INSYN2A: variants seen among roughly 807,000 people sequenced by gnomAD.
The protein encoded by INSYN2A is inhibitory synaptic factor 2A.
INSYN2A carries 17 observed loss-of-function variants against 39.4 expected under a neutral mutation model. The ratio of observed to expected loss-of-function variants is 0.43; its 90% CI spans 0.30 to 0.65. The LOEUF (loss-of-function observed/expected upper bound fraction) is 0.65, where lower values mean the gene tolerates loss of function less well. INSYN2A is among the 30% of genes least tolerant of loss of function. The pLI is 0.14. For synonymous variants in INSYN2A, 255 were observed against 265.7 expected (o/e 0.96, Z 0.39); for missense variants, 595 against 631.2 (o/e 0.94, Z 0.61).
chr10:127,145,640 A>T (rs2051740955), intron 5 of INSYN2A, among the ~76,000 whole-genome samples: 1 of 152,148 alleles, frequency 6.6e-6, no homozygotes, highest in African/African-American at 2.4e-5. Flanking sequence ...CTCCTTTTGA[A>T]GATGGGAGTG....
chr10:127,181,044 C>A (rs1480643749), intron 2 of INSYN2A, among the ~76,000 whole-genome samples: 1 of 152,086 alleles, frequency 6.6e-6, no homozygotes, highest in Non-Finnish European at 1.5e-5. Context: ...GGCATAACCA[C>A]TAGTATCAGA....
At chr10:127,190,140 C>A (rs549927606) in intron 2 of INSYN2A, among the ~76,000 whole-genome samples, 2 of 152,330 alleles carry the variant, frequency 1.3e-5, no homozygotes, top group South Asian at 4.1e-4. Context: ...ACTAGGTCAC[C>A]AAATTCAAAG....
At chr10:127,174,078 G>C (rs932819600) in intron 4 of INSYN2A, among the ~76,000 whole-genome samples, 1 of 152,212 alleles carries the variant, frequency 6.6e-6, no homozygotes, top group Non-Finnish European at 1.5e-5. Flanking sequence ...TCAGCAAACT[G>C]TCTAACTCAG....
intron 5 of INSYN2A, among the ~76,000 whole-genome samples, chr10:127,147,429 A>C (rs1302458948): frequency 2.6e-5 from 4 of 152,130 alleles, no homozygotes; most frequent in Non-Finnish European, 5.9e-5. Flanking sequence ...CTGCTTTGCC[A>C]GGTCGGGCAC....
chr10:127,137,897 G>C lies in INSYN2A; in HGVS notation c.1380C>G (p.Pro460=), dbSNP rs1255459409. 10 of 1,613,976 alleles carry C rather than the reference G, an allele frequency of 6.2e-6. No homozygotes were observed. Among genetic ancestry groups the C allele is most frequent in the East Asian group, 2.2e-5 (1 of 44,880 alleles). The change falls in exon 6 of 6, where the codon CCC becomes CCG. Residue 460 remains proline (P), a synonymous_variant. Coordinates refer to ENST00000522781, the MANE Select transcript of INSYN2A (RefSeq NM_001039762.3). ...TAGATTCAGTTTTGGATTTTTGCTTGGGAGTTGAGGAGTAAGTCTCCTGAG... is the reference window on the plus strand; with the variant it reads ...TAGATTCAGTTTTGGATTTTTGCTTCGGAGTTGAGGAGTAAGTCTCCTGAG... The part of the protein sequence containing the change: ...PYSQETYSST[P]KQKSKTESKK...
At chr10:127,190,308 G>A (rs569896047) in intron 2 of INSYN2A, among the ~76,000 whole-genome samples, 30 of 152,282 alleles carry the variant, frequency 2.0e-4, no homozygotes, top group African/African-American at 7.0e-4. Flanking sequence ...CCTGGAAGCC[G>A]TCTTCCTCTT....
At chr10:127,147,115 A>G (rs2051943328) in intron 5 of INSYN2A, among the ~76,000 whole-genome samples, 1 of 152,234 alleles carries the variant, frequency 6.6e-6, no homozygotes, top group African/African-American at 2.4e-5. Context: ...TCATAATGTT[A>G]GATATTTTCC....
chr10:127,138,997 C>G (rs1368091409), intron 5 of INSYN2A, among the ~76,000 whole-genome samples: 3 of 152,146 alleles, frequency 2.0e-5, no homozygotes, highest in Non-Finnish European at 4.4e-5. Context: ...TTGAGGAGTT[C>G]TGCTTCCCTT....
In INSYN2A at chr10:127,137,857, A is replaced by G; in HGVS notation, c.1420T>C (p.Trp474Arg). 1 of 1,613,888 alleles carries G rather than the reference A, an allele frequency of 6.2e-7. No homozygotes were observed. The highest frequency in any genetic ancestry group is 8.5e-7 in the Non-Finnish European group (1 of 1,179,958). The change falls in exon 6 of 6, where the codon TGG becomes CGG. Residue 474 changes from tryptophan (W) to arginine (R), a missense_variant. Transcript: ENST00000522781. ...GAGTGTTAAAGGAACCAGAGTTTCC[A>G]TCTTCCGTGCTTTTTAGATTCAGTT... Reference protein sequence around the residue: ...SKTESKKHGRWKLWFL With the variant: ...SKTESKKHGRRKLWFL
At chr10:127,191,842 T>A (rs1050836484) in intron 2 of INSYN2A, among the ~76,000 whole-genome samples, 2 of 152,220 alleles carry the variant, frequency 1.3e-5, no homozygotes, top group Non-Finnish European at 2.9e-5. Context: ...TGCTTTGGGA[T>A]ATAGCTGTGA....
chr10:127,173,375 T>TA (rs1333423682), intron 4 of INSYN2A, among the ~76,000 whole-genome samples: 3 of 152,220 alleles, frequency 2.0e-5, no homozygotes, highest in African/African-American at 7.2e-5. Flanking sequence ...ACCACACTGC[T>TA]AGATGGATGG....
In INSYN2A at chr10:127,196,478, C is replaced by T. The variant is rs1170222754; in HGVS notation, c.-876G>A. Among the ~76,000 whole-genome samples the T allele has an allele frequency of 1.3e-5, 2 of 148,476 alleles. No homozygotes were observed. The highest frequency in any genetic ancestry group is 2.4e-5 in the African/African-American group (1 of 41,174). On this transcript the variant is annotated 5_prime_UTR_variant, in exon 1 of 6. Coordinates refer to ENST00000522781, the MANE Select transcript of INSYN2A (RefSeq NM_001039762.3). The stretch of plus-strand genomic sequence containing the variant: ...GGAGGGAGCAGGAGGGAAGTCCTTT[C>T]CGCTGCTCCAGGTCCCAGCTACTCC...
intron 2 of INSYN2A, among the ~76,000 whole-genome samples, chr10:127,179,106 C>T (rs918669053): frequency 6.6e-6 from 1 of 152,176 alleles, no homozygotes; most frequent in African/African-American, 2.4e-5. Flanking sequence ...TCAGCCTTTT[C>T]CCTGCTACTT....
At position 127,176,165 on chromosome 10, in the gene INSYN2A, G is replaced by T; in HGVS notation, c.231C>A (p.Pro77=). 1 of 1,614,102 alleles carries T rather than the reference G, an allele frequency of 6.2e-7. No individual in the cohort carries two copies. Among genetic ancestry groups the T allele is most frequent in the East Asian group, 2.2e-5 (1 of 44,842 alleles). The change falls in exon 4 of 6, where the codon CCC becomes CCA. Residue 77 remains proline, a synonymous_variant. Coordinates refer to ENST00000522781, the MANE Select transcript of INSYN2A (RefSeq NM_001039762.3). The surrounding 1 kb of genome is among the most constrained non-coding windows in gnomAD (Gnocchi z 4.4). The part of the protein sequence containing the change: ...GQLGEKREAK[P]VSCRAAYRKY... ...TGCGGTAGGCTGCTCTGCAGGACAC[G>T]GGCTTGGCCTCCCGCTTCTCCCCCA... is the stretch of plus-strand genomic sequence containing the variant.
chr10:127,150,785 A>G (rs1484688455), intron 5 of INSYN2A, among the ~76,000 whole-genome samples: 1 of 152,204 alleles, frequency 6.6e-6, no homozygotes, highest in Non-Finnish European at 1.5e-5. Context: ...AGGTAGAGAC[A>G]GGTCAAGTAT....
intron 2 of INSYN2A, among the ~76,000 whole-genome samples, chr10:127,179,376 A>C (rs1366764015): frequency 6.6e-6 from 1 of 152,228 alleles, no homozygotes; most frequent in Non-Finnish European, 1.5e-5. Flanking sequence ...GTTAGTAAAA[A>C]AATGATGGTA....
intron 4 of INSYN2A, among the ~76,000 whole-genome samples, chr10:127,156,231 A>G (rs1158387625): frequency 2.0e-5 from 3 of 152,166 alleles, no homozygotes; most frequent in Non-Finnish European, 4.4e-5. Context: ...TAGAGCCCTG[A>G]GCCTTCTAAT....
At chr10:127,193,020 A>C (rs1313716074) in intron 1 of INSYN2A, among the ~76,000 whole-genome samples, 6 of 152,228 alleles carry the variant, frequency 3.9e-5, no homozygotes, top group Admixed American at 3.9e-4. Context: ...CATGGTAATG[A>C]AAGTGTCGTC....
Position 127,135,782 on chromosome 10 carries a change from T to C in INSYN2A, c.*2055A>G, listed in dbSNP as rs1401966908. 1 of 152,654 alleles carries C rather than the reference T, an allele frequency of 6.6e-6. No individual in the cohort carries two copies. Among genetic ancestry groups the C allele is most frequent in the Admixed American group, 6.5e-5 (1 of 15,278 alleles). 9.5% of individuals were successfully genotyped at this position (152,654 alleles called of 1,614,324 possible). On this transcript the variant is annotated 3_prime_UTR_variant, in exon 6 of 6. Transcript: ENST00000522781. The stretch of plus-strand genomic sequence containing the variant: ...TGTGAAACAGTGACATTATTTTGTG[T>C]ACTAGGATGTCCTCTTGTTTAGACA...
Sources: allele counts gnomAD v4.1 joint callset (sites outside exome capture counted in the v4.1 genomes callset), GRCh38; gene constraint gnomAD v4.1.1; non-coding constraint Gnocchi (gnomAD v3.1); transcripts MANE v1.5; gene names NCBI Gene and HGNC (gene_info 2026-07-23, HGNC 2026-07-21).